The following LYPLAL1 variants were observed in gnomAD, a reference collection of about 807,000 sequenced individuals.
LYPLAL1 encodes lysophospholipase-like protein 1.
Under a neutral mutation model 19.7 loss-of-function variants are expected in LYPLAL1, and 23 were observed. The observed-to-expected ratio is 1.17, with a 90% confidence interval of 0.84 to 1.65. The LOEUF (loss-of-function observed/expected upper bound fraction) is 1.65, where lower values mean the gene tolerates loss of function less well. Among genes scored for constraint, LYPLAL1 ranks in the 40% most tolerant of loss-of-function variants. LYPLAL1 has a pLI of 0.00. For missense variants in LYPLAL1, 355 were observed against 279.4 expected (o/e 1.27, Z -1.93); for synonymous variants, 119 against 96.3 (o/e 1.24, Z -1.38).
the LYPLAL1 span, among the ~76,000 whole-genome samples, chr1:219,218,386 C>G: frequency 6.6e-6 from 1 of 152,050 alleles, no homozygotes; most frequent in Admixed American, 6.6e-5. Context: ...CAGGAAAATG[C>G]CAAAAGCATG....
chr1:219,175,180 G>A, intron 1 of LYPLAL1: 1 of 816,084 alleles, frequency 1.2e-6, no homozygotes, highest in Non-Finnish European at 1.5e-6. Flanking sequence ...GTGAGTAGTG[G>A]CGGATTTGGG....
At chr1:219,358,574 C>T in the LYPLAL1 span, among the ~76,000 whole-genome samples, 1 of 152,064 alleles carries the variant, frequency 6.6e-6, no homozygotes, top group Non-Finnish European at 1.5e-5. Context: ...GGGAAGCAGG[C>T]ACATCTTACA....
chr1:219,181,342 A>G (rs917039890), intron 2 of LYPLAL1, among the ~76,000 whole-genome samples: 3 of 152,102 alleles, frequency 2.0e-5, no homozygotes, highest in African/African-American at 7.2e-5. Context: ...AGGGGCTGCC[A>G]TTTTCTACAG....
At chr1:219,369,277 G>T in the LYPLAL1 span, among the ~76,000 whole-genome samples, 3 of 152,134 alleles carry the variant, frequency 2.0e-5, no homozygotes, top group African/African-American at 7.2e-5. Context: ...AATATTTTTT[G>T]TTTGTGTTTT....
chr1:219,417,755 A>G, the LYPLAL1 span, among the ~76,000 whole-genome samples: 2 of 152,254 alleles, frequency 1.3e-5, no homozygotes, highest in African/African-American at 4.8e-5. Context: ...CCTCAGTCCC[A>G]TAATTGGAAC....
the LYPLAL1 span, among the ~76,000 whole-genome samples, chr1:219,384,862 G>A: frequency 6.6e-6 from 1 of 152,178 alleles, no homozygotes; most frequent in African/African-American, 2.4e-5. Flanking sequence ...AGAGACTACA[G>A]AGCATTCTGA....
chr1:219,422,083 A>G, the LYPLAL1 span, among the ~76,000 whole-genome samples: 1 of 152,100 alleles, frequency 6.6e-6, no homozygotes, highest in East Asian at 1.9e-4. Flanking sequence ...ACCACATACC[A>G]TTTTTTCCCA....
At chr1:219,190,636 A>AAAAG (rs1553299335) in intron 2 of LYPLAL1, among the ~76,000 whole-genome samples, 1 of 150,212 alleles carries the variant, frequency 6.7e-6, no homozygotes, top group Non-Finnish European at 1.5e-5. Context: ...AAAAAAAAAA[A>AAAAG]AAAAAACCCT....
the LYPLAL1 span, among the ~76,000 whole-genome samples, chr1:219,224,637 T>C: frequency 1.3e-5 from 2 of 152,162 alleles, no homozygotes; most frequent in Non-Finnish European, 2.9e-5. Context: ...CAGAAAAAAA[T>C]ATGGCTGAAA....
chr1:219,287,403 G>T, the LYPLAL1 span, among the ~76,000 whole-genome samples: 1 of 152,158 alleles, frequency 6.6e-6, no homozygotes, highest in Non-Finnish European at 1.5e-5. Context: ...CACCAAAAAA[G>T]ATATATGGAT....
At chr1:219,246,727 C>G in the LYPLAL1 span, among the ~76,000 whole-genome samples, 536 of 152,240 alleles carry the variant, frequency 3.5e-3, 10 homozygotes, top group Admixed American at 0.025. Flanking sequence ...GCTGGGACTA[C>G]AGCACATGCC....
chr1:219,367,943 C>CA, the LYPLAL1 span, among the ~76,000 whole-genome samples: 92 of 61,056 alleles, frequency 1.5e-3, no homozygotes, highest in Middle Eastern at 0.031. Flanking sequence ...TATGGCTTTA[C>CA]AATTTTTTTT....
At chr1:219,273,053 T>C in the LYPLAL1 span, 4 of 152,198 alleles carry the variant, frequency 2.6e-5, no homozygotes, top group Non-Finnish European at 5.9e-5. Flanking sequence ...AATGACTCAA[T>C]ATATAGAGAA....
the LYPLAL1 span, among the ~76,000 whole-genome samples, chr1:219,289,290 C>T: frequency 1.3e-5 from 2 of 151,970 alleles, no homozygotes; most frequent in African/African-American, 4.8e-5. Context: ...ATCTGAGAAC[C>T]AAGGAAGCCC....
the LYPLAL1 span, among the ~76,000 whole-genome samples, chr1:219,384,611 CA>C: frequency 3.9e-5 from 6 of 151,944 alleles, no homozygotes; most frequent in Admixed American, 2.0e-4. Context: ...GATCTTTGAT[CA>C]AAAAAAGTAC....
At chr1:219,298,583 T>C in the LYPLAL1 span, among the ~76,000 whole-genome samples, 1 of 152,192 alleles carries the variant, frequency 6.6e-6, no homozygotes, top group Non-Finnish European at 1.5e-5. Context: ...AGATGTCTCA[T>C]GAACTCCCAC....
chr1:219,289,328 G>A, the LYPLAL1 span, among the ~76,000 whole-genome samples: 1 of 152,100 alleles, frequency 6.6e-6, no homozygotes, highest in African/African-American at 2.4e-5. Context: ...ATCAAATGAG[G>A]GGATGCATGT....
the LYPLAL1 span, chr1:219,222,372 A>G: frequency 1.3e-5 from 2 of 151,808 alleles, no homozygotes; most frequent in African/African-American, 2.4e-5. Context: ...GACCCTGAAT[A>G]CTAATCAAGG....
intron 3 of LYPLAL1, among the ~76,000 whole-genome samples, chr1:219,199,653 C>T (rs867297463): frequency 5.5e-5 from 8 of 145,434 alleles, no homozygotes; most frequent in Non-Finnish European, 1.2e-4. Flanking sequence ...CTCACTCTGT[C>T]GCCCAGGCTA....
Sources: gnomAD v4.1 joint callset for allele counts (sites outside exome capture counted in the v4.1 genomes callset) on GRCh38, gnomAD v4.1.1 for gene constraint, MANE v1.5 for transcripts, NCBI Gene and HGNC (gene_info 2026-07-23, HGNC 2026-07-21) for gene names.